LUC7L2: variants seen among roughly 807,000 people sequenced by gnomAD.
LUC7L2 encodes LUC7 like 2, pre-mRNA splicing factor, also known as putative RNA-binding protein Luc7-like 2.
Under a neutral mutation model 52.8 loss-of-function variants are expected in LUC7L2, and 25 were observed. That is an observed-to-expected ratio of 0.47 (90% CI 0.34 to 0.66). The LOEUF (loss-of-function observed/expected upper bound fraction) is 0.66, where lower values mean the gene tolerates loss of function less well. Ranked by LOEUF, LUC7L2 falls within the 30% of genes least tolerant of loss-of-function variation. LUC7L2 has a pLI of 0.01. For missense variants in LUC7L2, 328 were observed against 497.8 expected, an observed-to-expected ratio of 0.66 and a Z score of 3.25; for synonymous variants, 144 against 160.9, an observed-to-expected ratio of 0.89 and a Z score of 0.80.
At chr7:139,373,918 T>C (rs1167956266) in intron 1 of LUC7L2, among the ~76,000 whole-genome samples, 2 of 152,174 alleles carry the variant, frequency 1.3e-5, no homozygotes, top group Non-Finnish European at 2.9e-5. Flanking sequence ...TTTTGTTTTG[T>C]TTTGTTTTTG....
chr7:139,417,585 G>C lies in LUC7L2; in HGVS notation c.857G>C (p.Arg286Pro). Reference sequence around the variant, plus strand: ...AGACATCGATCTCGCTCCATGTCACGTGAACGCAAGAGGAGAACTCGATCC... The same window carrying C: ...AGACATCGATCTCGCTCCATGTCACCTGAACGCAAGAGGAGAACTCGATCC... ...HRRHRSRSMS[R>P]ERKRRTRSKS... Residue 286 changes from arginine (R) to proline (P), a missense_variant, in exon 9 of 10, where the codon CGT becomes CCT. By Grantham distance (103) the Arg-to-Pro change is moderately radical. Around this residue, in one of 2 missense-constraint regions of LUC7L2, gnomAD observed 195 missense variants for 223.3 expected, o/e 0.87. Transcript: ENST00000354926. 1 of 1,614,160 alleles carries C rather than the reference G, an allele frequency of 6.2e-7. No individual in the cohort carries two copies. The highest frequency in any genetic ancestry group is 8.5e-7 in the Non-Finnish European group (1 of 1,180,042).
chr7:139,385,260 C>CT (rs914729479), intron 2 of LUC7L2, among the ~76,000 whole-genome samples: 6 of 144,214 alleles, frequency 4.2e-5, no homozygotes, highest in Non-Finnish European at 9.2e-5. Context: ...CCCCCTGCAG[C>CT]TTTTTTTTGA....
intron 5 of LUC7L2, 104 bp downstream of exon 5, chr7:139,405,891 A>G (rs1334774358): frequency 5.8e-6 from 8 of 1,378,390 alleles, no homozygotes; most frequent in Non-Finnish European, 2.8e-6. Flanking sequence ...AAGAACATGT[A>G]TTTGAATGGA....
intron 1 of LUC7L2, among the ~76,000 whole-genome samples, chr7:139,373,132 A>G (rs902323403): frequency 6.6e-6 from 1 of 152,338 alleles, no homozygotes; most frequent in African/African-American, 2.4e-5. Flanking sequence ...TATGAAAAAC[A>G]TGGTTTGGGC....
rs556015339 is a variant in LUC7L2 at position 139,360,009 on chromosome 7, T to C, written c.-253T>C. ...GCTTGCTTGGCCCGTGTCGCTTCTG[T>C]CCCAAGAACCGGACGGAGAGTGAGG... On this transcript the variant is annotated 5_prime_UTR_variant, in exon 1 of 10. Coordinates refer to ENST00000354926, the MANE Select transcript of LUC7L2 (RefSeq NM_016019.5). The C allele has an allele frequency of 3.0e-4, 150 of 492,970 alleles. No homozygotes were observed. In the Admixed American group the frequency reaches 6.1e-3, roughly 20 times the overall value. 30.5% of individuals were successfully genotyped at this position (492,970 alleles called of 1,614,324 possible). A position where few individuals can be genotyped will look rare whatever the true frequency, so the allele number is the denominator to read the frequency against.
Position 139,422,921 on chromosome 7 carries a change from G to T in LUC7L2, c.*581G>T. ...TTTTGTTTAATGGTGCCTATTTAGA[G>T]TTGGAAGTTGAACAGCTGTTGCATT... is the stretch of plus-strand genomic sequence containing the variant. On this transcript the variant is annotated 3_prime_UTR_variant, in exon 10 of 10. Coordinates refer to ENST00000354926, the MANE Select transcript of LUC7L2 (RefSeq NM_016019.5). 1 of 398,886 alleles carries T rather than the reference G, an allele frequency of 2.5e-6. No individual in the cohort carries two copies. Among genetic ancestry groups the T allele is most frequent in the Non-Finnish European group, 4.4e-6 (1 of 226,048 alleles). 24.7% of individuals were successfully genotyped at this position (398,886 alleles called of 1,614,324 possible). A position where few individuals can be genotyped will look rare whatever the true frequency, so the allele number is the denominator to read the frequency against.
chr7:139,340,697 G>A (rs974138700), intron 1 of LUC7L2: 3 of 392,624 alleles, frequency 7.6e-6, no homozygotes, highest in Admixed American at 8.9e-5. Flanking sequence ...GTCGTTTGCA[G>A]AAGCCCCAGT....
rs1426128070 is a variant in LUC7L2 at position 139,415,079 on chromosome 7, T to G, written c.810-2459T>G. Among the ~76,000 whole-genome samples the G allele has an allele frequency of 1.6e-3, 237 of 147,564 alleles. 2 individuals are homozygous for G. Among genetic ancestry groups the G allele is most frequent in the African/African-American group, 5.3e-3 (218 of 40,852 alleles). On this transcript the variant is annotated intron_variant, in intron 8 of 9. Coordinates refer to ENST00000354926, the MANE Select transcript of LUC7L2 (RefSeq NM_016019.5). ...GTTTTTTTTTTTTTTTTTTTTTTTT[T>G]TTTTGTATTTTTAGTAGAGTAGGGG...
chr7:139,419,511 C>G (rs1795790259), intron 9 of LUC7L2, among the ~76,000 whole-genome samples: 1 of 152,170 alleles, frequency 6.6e-6, no homozygotes, highest in African/African-American at 2.4e-5. Flanking sequence ...TTAAAAGTTA[C>G]CTGTCTTATC....
chr7:139,390,215 GTC>G (rs5887929), intron 2 of LUC7L2, among the ~76,000 whole-genome samples: 55 of 148,744 alleles, frequency 3.7e-4, no homozygotes, highest in Middle Eastern at 3.4e-3. Flanking sequence ...CCAGTGCCCA[GTC>G]TCTCTCTCTC....
intron 2 of LUC7L2, among the ~76,000 whole-genome samples, chr7:139,382,482 G>A (rs1569377079): frequency 6.6e-6 from 1 of 151,780 alleles, no homozygotes. Flanking sequence ...TCCTGAGTTC[G>A]AGTGATTTTC....
intron 3 of LUC7L2, among the ~76,000 whole-genome samples, chr7:139,400,779 T>A (rs1794877728): frequency 6.6e-6 from 1 of 152,210 alleles, no homozygotes; most frequent in Non-Finnish European, 1.5e-5. Flanking sequence ...GCCATCTTTA[T>A]CTTTACATAA....
At chr7:139,344,440 T>C (rs564642186) in intron 1 of LUC7L2, among the ~76,000 whole-genome samples, 2 of 152,328 alleles carry the variant, frequency 1.3e-5, no homozygotes, top group South Asian at 4.1e-4. Flanking sequence ...GCTATGTAAA[T>C]CGTTGTTATA....
At chr7:139,386,598 C>T (rs900467469) in intron 2 of LUC7L2, among the ~76,000 whole-genome samples, 14 of 117,088 alleles carry the variant, frequency 1.2e-4, no homozygotes, top group South Asian at 9.6e-4. Flanking sequence ...TTAGTAGAGA[C>T]GGGGTTACCG....
chr7:139,389,471 G>A (rs1046517708), intron 2 of LUC7L2, among the ~76,000 whole-genome samples: 1 of 151,852 alleles, frequency 6.6e-6, no homozygotes, highest in African/African-American at 2.4e-5. Context: ...AGGAAATACT[G>A]TATTCTCCTC....
chr7:139,364,185 A>G (rs925894741), intron 1 of LUC7L2, among the ~76,000 whole-genome samples: 8 of 152,028 alleles, frequency 5.3e-5, no homozygotes, highest in African/African-American at 1.9e-4. Flanking sequence ...GGGTTTCTCC[A>G]TGTTGGCCAG....
intron 8 of LUC7L2, among the ~76,000 whole-genome samples, chr7:139,413,704 G>A (rs905349233): frequency 6.6e-6 from 1 of 152,184 alleles, no homozygotes; most frequent in Non-Finnish European, 1.5e-5. Flanking sequence ...CTTGAACCCA[G>A]GAGGTGGAGG....
At chr7:139,373,164 A>G (rs1311705261) in intron 1 of LUC7L2, among the ~76,000 whole-genome samples, 1 of 152,214 alleles carries the variant, frequency 6.6e-6, no homozygotes, top group African/African-American at 2.4e-5. Flanking sequence ...ACAGAAACCA[A>G]ATTACCAGCA....
upstream of LUC7L2, among the ~76,000 whole-genome samples, chr7:139,356,918 G>A (rs190800410): frequency 5.3e-5 from 8 of 152,026 alleles, no homozygotes; most frequent in East Asian, 1.2e-3. Flanking sequence ...CAAAATAAGT[G>A]GTAAATAAAG....
Sources: allele counts gnomAD v4.1 joint callset (sites outside exome capture counted in the v4.1 genomes callset), GRCh38; gene constraint gnomAD v4.1.1; regional missense constraint gnomAD v4.1.1; transcripts MANE v1.5; gene names NCBI Gene and HGNC (gene_info 2026-07-23, HGNC 2026-07-21).